KRABD3: variants seen among roughly 807,000 people sequenced by gnomAD.
KRABD3 encodes KRAB domain containing 3.
chr7:149,720,907 T>G, the KRABD3 span: 1 of 1,612,984 alleles, frequency 6.2e-7, no homozygotes, highest in Non-Finnish European at 8.5e-7. Context: ...GAGTTCTTGT[T>G]TGGAGAAGTC....
the KRABD3 span, among the ~76,000 whole-genome samples, chr7:149,717,370 C>G: frequency 6.6e-6 from 1 of 152,242 alleles, no homozygotes; most frequent in Non-Finnish European, 1.5e-5. Context: ...CCTGAGCCCT[C>G]CTGGCAAGCA....
chr7:149,731,803 T>C, the KRABD3 span: 3 of 1,548,834 alleles, frequency 1.9e-6, no homozygotes, highest in Non-Finnish European at 2.6e-6. Context: ...CCCCATTCCC[T>C]CTGCACGGGC....
At chr7:149,727,910 C>T in the KRABD3 span, among the ~76,000 whole-genome samples, 5 of 152,202 alleles carry the variant, frequency 3.3e-5, no homozygotes, top group African/African-American at 9.7e-5. Context: ...GTTGCCCTCC[C>T]GCCCTGTGCC....
At chr7:149,728,680 T>C in the KRABD3 span, 2 of 1,612,856 alleles carry the variant, frequency 1.2e-6, no homozygotes, top group African/African-American at 1.3e-5. Flanking sequence ...AGGAAGGTAA[T>C]AGTGGCTGCC....
the KRABD3 span, among the ~76,000 whole-genome samples, chr7:149,723,119 C>T: frequency 1.3e-5 from 2 of 152,238 alleles, no homozygotes; most frequent in East Asian, 3.8e-4. Context: ...TTAAGGGCAG[C>T]GTTTGGTCAG....
chr7:149,718,344 C>T, the KRABD3 span, among the ~76,000 whole-genome samples: 1 of 152,094 alleles, frequency 6.6e-6, no homozygotes, highest in South Asian at 2.1e-4. Flanking sequence ...AATTTGTTCT[C>T]ACAAATAAAC....
At chr7:149,722,874 A>G in the KRABD3 span, 2 of 1,613,452 alleles carry the variant, frequency 1.2e-6, no homozygotes, top group East Asian at 2.2e-5. Context: ...AGACATCCCC[A>G]AGCTTCTTGC....
the KRABD3 span, among the ~76,000 whole-genome samples, chr7:149,727,862 T>C: frequency 0.94 from 143,473 of 152,234 alleles, 67,718 homozygotes; most frequent in East Asian, 1. Context: ...AGGGCTGGTC[T>C]CTGCCCTTCC....
the KRABD3 span, chr7:149,733,358 G>A: frequency 2.5e-6 from 4 of 1,612,102 alleles, no homozygotes; most frequent in Non-Finnish European, 3.4e-6. Context: ...CCTGCAGCAG[G>A]AGCTGCACAG....
At chr7:149,723,586 C>T in the KRABD3 span, 1 of 737,372 alleles carries the variant, frequency 1.4e-6, no homozygotes, top group Non-Finnish European at 2.2e-6. Context: ...GTGTGTGGAC[C>T]CAGGCACTGG....
At chr7:149,717,066 G>A in the KRABD3 span, among the ~76,000 whole-genome samples, 3 of 152,158 alleles carry the variant, frequency 2.0e-5, no homozygotes, top group Non-Finnish European at 2.9e-5. Flanking sequence ...CCCGGTCTCT[G>A]GGTCCGGAAC....
the KRABD3 span, among the ~76,000 whole-genome samples, chr7:149,717,987 G>A: frequency 6.6e-6 from 1 of 152,090 alleles, no homozygotes; most frequent in African/African-American, 2.4e-5. Context: ...TATTAGAGAT[G>A]GGGTTTCACC....
the KRABD3 span, chr7:149,734,166 C>G: frequency 5.2e-6 from 7 of 1,351,980 alleles, no homozygotes; most frequent in Non-Finnish European, 6.9e-6. Flanking sequence ...CTTACTGTTG[C>G]TGGGAGCCTC....
the KRABD3 span, chr7:149,722,431 A>G: frequency 6.2e-7 from 1 of 1,606,386 alleles, no homozygotes; most frequent in African/African-American, 1.3e-5. Flanking sequence ...GAAACTGCCG[A>G]CAAACCGTGG....
chr7:149,730,025 T>C, the KRABD3 span: 1 of 1,372,438 alleles, frequency 7.3e-7, no homozygotes, highest in Non-Finnish European at 9.4e-7. Flanking sequence ...TAGGGTCCAC[T>C]AGAACGCATG....
chr7:149,730,726 C>A, the KRABD3 span: 1 of 980,366 alleles, frequency 1.0e-6, no homozygotes, highest in Non-Finnish European at 1.5e-6. Context: ...GAGCTGTGTC[C>A]GAGAAGGAGG....
the KRABD3 span, among the ~76,000 whole-genome samples, chr7:149,718,280 A>G: frequency 6.6e-6 from 1 of 152,194 alleles, no homozygotes; most frequent in African/African-American, 2.4e-5. Context: ...TGAGCAGATG[A>G]AACAAGCGGT....
the KRABD3 span, chr7:149,723,044 G>A: frequency 8.7e-7 from 1 of 1,154,464 alleles, no homozygotes; most frequent in Non-Finnish European, 1.2e-6. Context: ...TCTCCCTTAG[G>A]GATCGTTACC....
At chr7:149,725,286 TG>T in the KRABD3 span, 1 of 1,538,560 alleles carries the variant, frequency 6.5e-7, no homozygotes, top group African/African-American at 1.4e-5. Flanking sequence ...GTGTGGGAGA[TG>T]GTAACAGGGT....
Sources: gnomAD v4.1 joint callset for allele counts (sites outside exome capture counted in the v4.1 genomes callset) on GRCh38, gnomAD v4.1.1 for gene constraint, MANE v1.5 for transcripts, NCBI Gene and HGNC (gene_info 2026-07-23, HGNC 2026-07-21) for gene names.